The following SKOR1 variants were observed in gnomAD, a reference collection of about 807,000 sequenced individuals.
The protein encoded by SKOR1 is LBX1 corepressor 1.
A neutral mutation model predicts 72.4 loss-of-function variants in SKOR1; 38 were observed. The ratio of observed to expected loss-of-function variants is 0.52; its 90% CI spans 0.40 to 0.69. SKOR1 has a LOEUF of 0.69. Among genes scored for constraint, SKOR1 ranks in the 30% least tolerant of loss-of-function variants. The pLI, the probability that SKOR1 is intolerant of heterozygous loss-of-function variation, is 0.00. For synonymous variants in SKOR1, 642 were observed against 599.4 expected (o/e 1.07, Z -1.04); for missense variants, 1,320 against 1,343.2 (o/e 0.98, Z 0.27).
rs2090966521 is a variant in SKOR1 at position 67,827,140 on chromosome 15, G to T, written c.1312G>T (p.Ala438Ser). The change falls in exon 2 of 9, where the codon GCG (alanine) becomes TCG (serine). Residue 438 changes from alanine (A) to serine (S), a missense_variant. Ala to Ser is a moderately conservative substitution (Grantham distance 99). Around this residue, in one of 3 missense-constraint regions of SKOR1, gnomAD observed 1,099 missense variants for 1,025.5 expected, o/e 1.07. Coordinates refer to ENST00000380035, the MANE Select transcript of SKOR1 (RefSeq NM_001365915.1). ...GGGGAGTGGG[A>S]GGPGASHLPP... ...CGGCGGCGCGGGGACAGGCGGGGGT[G>T]CGGGGGGCCCGGGAGCCAGCCACTT... is the stretch of plus-strand genomic sequence containing the variant. 2 of 1,380,712 alleles carry T rather than the reference G, an allele frequency of 1.4e-6. No individual in the cohort carries two copies. The highest frequency in any genetic ancestry group is 3.7e-5 in the South Asian group (2 of 53,750). The allele number at this position is 1,380,712 out of a possible 1,614,324, so 85.5% of individuals were successfully genotyped here.
In SKOR1 at chr15:67,826,864, C is replaced by G. The variant is rs577660933; in HGVS notation, c.1036C>G (p.Arg346Gly). The G allele has an allele frequency of 6.5e-7, 1 of 1,531,646 alleles. No homozygotes were observed. Among genetic ancestry groups the G allele is most frequent in the Non-Finnish European group, 8.7e-7 (1 of 1,143,142 alleles). The allele number at this position is 1,531,646 out of a possible 1,614,324, so 94.9% of individuals were successfully genotyped here. ...PPGPPPPHPQ[R>G]GLGLATGASG... ...GGGGCCACCTCCACCCCACCCGCAG[C>G]GCGGACTTGGCCTGGCGACTGGAGC... Residue 346 changes from arginine to glycine, a missense_variant, in exon 2 of 9, where the codon CGC (arginine) becomes GGC (glycine). This residue lies in a region of SKOR1 where 1,099 missense variants were observed against 1,025.5 expected (regional missense o/e 1.07). Transcript: ENST00000380035.
chr15:67,827,544 A>G lies in SKOR1; in HGVS notation c.1716A>G (p.Pro572=), dbSNP rs890920754. The G allele has an allele frequency of 1.3e-4, 198 of 1,520,812 alleles. No individual in the cohort carries two copies. Among genetic ancestry groups the G allele is most frequent in the Admixed American group, 3.0e-4 (15 of 49,358 alleles). The allele number at this position is 1,520,812 out of a possible 1,614,324, so 94.2% of individuals were successfully genotyped here. A position where few individuals can be genotyped will look rare whatever the true frequency, so the allele number is the denominator to read the frequency against. Residue 572 remains proline, a synonymous_variant, in exon 2 of 9, where the codon CCA becomes CCG. Transcript: ENST00000380035. ...LDEDGTDEAL[P]PPLAPLPPPP... ...AAGACGGCACGGACGAGGCGCTGCC[A>G]CCGCCCCTGGCCCCGTTGCCCCCGC... is the stretch of plus-strand genomic sequence containing the variant.
chr15:67,830,450 G>A (rs2091000468), intron 4 of SKOR1, 152 bp downstream of exon 4: 1 of 726,078 alleles, frequency 1.4e-6, no homozygotes, highest in Non-Finnish European at 2.3e-6. Context: ...TATTTAACGC[G>A]AGCAGGGTGC....
Position 67,827,521 on chromosome 15 carries a change from G to C in SKOR1, c.1693G>C (p.Asp565His). The change falls in exon 2 of 9, where the codon GAC becomes CAC. Residue 565 changes from aspartate to histidine, a missense_variant. Asp to His is a moderately conservative substitution (Grantham distance 81). This residue lies in a region of SKOR1 where 1,099 missense variants were observed against 1,025.5 expected (regional missense o/e 1.07). Transcript: ENST00000380035. ...TCTGTCCCGCGGGCCCCTGGACGAA[G>C]ACGGCACGGACGAGGCGCTGCCACC... ...SALSRGPLDE[D>H]GTDEALPPPL... 3.3e-6 allele frequency: 5 copies of C among 1,522,096 alleles called. No individual in the cohort carries two copies. The highest frequency in any genetic ancestry group is 4.4e-6 in the Non-Finnish European group (5 of 1,141,954). 94.3% of individuals were successfully genotyped at this position (1,522,096 alleles called of 1,614,324 possible).
rs751667460 is a variant in SKOR1, at chr15:67,830,216, G to T, written c.2433G>T (p.Ser811=). The change falls in exon 4 of 9, where the codon TCG becomes TCT. Residue 811 remains serine (S), a synonymous_variant. Transcript: ENST00000380035. ...AGCCAGATAAGGAAGACAATCACTC[G>T]CCCGCCGATGATTTGGAAACGAGGA... is the stretch of plus-strand genomic sequence containing the variant. ...AHEPDKEDNH[S]PADDLETRKS... is the part of the protein sequence containing the mutation. 9 of 1,614,056 alleles carry T rather than the reference G, an allele frequency of 5.6e-6. No homozygotes were observed. The highest frequency in any genetic ancestry group is 3.3e-4 in the Middle Eastern group (2 of 6,060).
intron 5 of SKOR1, 54 bp downstream of exon 5, chr15:67,830,943 T>C (rs2141369195): frequency 1.0e-5 from 16 of 1,558,844 alleles, no homozygotes; most frequent in Non-Finnish European, 1.4e-5. Context: ...TGATGGGTCA[T>C]TCCTGTAGAG....
rs1387589186 is a variant in SKOR1, at chr15:67,833,123, C to G, written c.2738-69C>G. The G allele has an allele frequency of 1.3e-6, 2 of 1,558,080 alleles. No homozygotes were observed. The highest frequency in any genetic ancestry group is 1.7e-5 in the Admixed American group (1 of 58,964). On this transcript the variant is annotated intron_variant, in intron 7 of 8. Transcript: ENST00000380035. This position sits in a 1 kb window ranked among gnomAD's most constrained non-coding sequence, Gnocchi z 6.0. ...TTAGCCCTGGGGAGAGGAGGAAGCCCGGGCTGTGACCCCGGCCTTTCGGAG... is the reference window on the plus strand; with the variant it reads ...TTAGCCCTGGGGAGAGGAGGAAGCCGGGGCTGTGACCCCGGCCTTTCGGAG...
At position 67,833,859 on chromosome 15, in the gene SKOR1, C is replaced by A; in HGVS notation, c.*23C>A. On this transcript the variant is annotated 3_prime_UTR_variant, in exon 9 of 9. Coordinates refer to ENST00000380035, the MANE Select transcript of SKOR1 (RefSeq NM_001365915.1). This position sits in a 1 kb window ranked among gnomAD's most constrained non-coding sequence, Gnocchi z 6.0. ...TAGGGCCGGCCTGGCCGCACCCCTG[C>A]GCCCTCAAGCCATGCTGCTCCTTGT... 2 of 1,600,186 alleles carry A rather than the reference C, an allele frequency of 1.2e-6. No individual in the cohort carries two copies. Among genetic ancestry groups the A allele is most frequent in the Non-Finnish European group, 1.7e-6 (2 of 1,175,734 alleles).
rs1285801416 is a variant in SKOR1 at position 67,830,848 on chromosome 15, G to A, written c.2546G>A (p.Gly849Glu). The change falls in exon 5 of 9, where the codon GGA becomes GAA. Residue 849 changes from glycine to glutamate, a missense_variant. By Grantham distance (98) the Gly-to-Glu change is moderately conservative. Coordinates refer to ENST00000380035, the MANE Select transcript of SKOR1 (RefSeq NM_001365915.1). ...GEDGLTLDVT[G>E]THLVEKDIEN... ...GATGGGCTTACCTTGGATGTCACAG[G>A]AACTCATTTGGTGGAGAAAGATATC... The A allele has an allele frequency of 6.2e-7, 1 of 1,614,052 alleles. No homozygotes were observed. The highest frequency in any genetic ancestry group is 8.5e-7 in the Non-Finnish European group (1 of 1,180,030).
At chr15:67,830,413 A>T in intron 4 of SKOR1, 115 bp downstream of exon 4, 3 of 866,236 alleles carry the variant, frequency 3.5e-6, no homozygotes, top group Non-Finnish European at 5.5e-6. Flanking sequence ...AGCGGCTGCC[A>T]GTCTTCTTCC....
Position 67,826,902 on chromosome 15 carries a change from G to A in SKOR1, c.1074G>A (p.Ala358=). 1.3e-6 allele frequency: 2 copies of A among 1,549,620 alleles called. No individual in the cohort carries two copies. Among genetic ancestry groups the A allele is most frequent in the Non-Finnish European group, 1.7e-6 (2 of 1,154,036 alleles). ...LGLATGASGP[A]GPGGPGGGAG... The stretch of plus-strand genomic sequence containing the variant: ...TGGCGACTGGAGCTAGTGGCCCGGC[G>A]GGCCCAGGAGGGCCCGGTGGCGGCG... The change falls in exon 2 of 9, where the codon GCG becomes GCA. Residue 358 remains alanine (A), a synonymous_variant. Coordinates refer to ENST00000380035, the MANE Select transcript of SKOR1 (RefSeq NM_001365915.1).
chr15:67,829,589 T>C (rs923601916), intron 3 of SKOR1, among the ~76,000 whole-genome samples: 1 of 152,196 alleles, frequency 6.6e-6, no homozygotes, highest in African/African-American at 2.4e-5. Flanking sequence ...CAAGTGTGTT[T>C]GGCCGCGGGG....
Position 67,827,492 on chromosome 15 carries a change from G to A in SKOR1, c.1664G>A (p.Ser555Asn), listed in dbSNP as rs1334310510. Residue 555 changes from serine to asparagine, a missense_variant, in exon 2 of 9, where the codon AGC (serine) becomes AAC (asparagine). By Grantham distance (46) the Ser-to-Asn change is conservative (BLOSUM62 1). Around this residue, in one of 3 missense-constraint regions of SKOR1, gnomAD observed 1,099 missense variants for 1,025.5 expected, o/e 1.07. Transcript: ENST00000380035. ...SGLGAEERCP[S>N]ALSRGPLDED... Reference sequence around the variant, plus strand: ...CTCGGCGCGGAGGAGCGCTGCCCGAGCGCTCTGTCCCGCGGGCCCCTGGAC... The same window carrying A: ...CTCGGCGCGGAGGAGCGCTGCCCGAACGCTCTGTCCCGCGGGCCCCTGGAC... 2 of 1,522,142 alleles carry A rather than the reference G, an allele frequency of 1.3e-6. No individual in the cohort carries two copies. Among genetic ancestry groups the A allele is most frequent in the Non-Finnish European group, 1.8e-6 (2 of 1,142,118 alleles). The allele number at this position is 1,522,142 out of a possible 1,614,324, so 94.3% of individuals were successfully genotyped here.
chr15:67,830,783 G>A, intron 4 of SKOR1, 35 bp from the exon 5 acceptor site: 3 of 1,610,458 alleles, frequency 1.9e-6, no homozygotes, highest in Non-Finnish European at 2.5e-6. Flanking sequence ...GGCTTTCCTA[G>A]GACAGAACCC....
chr15:67,825,868 G>C lies in SKOR1; in HGVS notation c.108-68G>C. On this transcript the variant is annotated intron_variant, in intron 1 of 8. Coordinates refer to ENST00000380035, the MANE Select transcript of SKOR1 (RefSeq NM_001365915.1). The surrounding 1 kb of genome is among the most constrained non-coding windows in gnomAD (Gnocchi z 5.6). ...GCGCCCAACTCGGAGCGCCCTGCTG[G>C]GCGGGCCCGAGCCTCGGCGGCGGCG... 1.3e-6 allele frequency: 2 copies of C among 1,511,874 alleles called. No individual in the cohort carries two copies. Among genetic ancestry groups the C allele is most frequent in the Non-Finnish European group, 1.8e-6 (2 of 1,137,484 alleles). The allele number at this position is 1,511,874 out of a possible 1,614,324, so 93.7% of individuals were successfully genotyped here.
rs761512395 is a variant in SKOR1 at position 67,827,378 on chromosome 15, TGGCGGCGGCAGC to T, written c.1566_1577del (p.Ala525_Ala528del). 4.4e-5 allele frequency: 68 copies of T among 1,561,230 alleles called. No homozygotes were observed. The highest frequency in any genetic ancestry group is 8.0e-5 in the South Asian group (7 of 87,176). On this transcript the variant is annotated inframe_deletion, in exon 2 of 9. Coordinates refer to ENST00000380035, the MANE Select transcript of SKOR1 (RefSeq NM_001365915.1). ...CAAGCCAAGGCCGTGGCGGCAGCCGTGGCGGCGGCAGCGGCGGCGGCAGCGGCAGCTGCTGGC... is the reference window on the plus strand; with the variant it reads ...CAAGCCAAGGCCGTGGCGGCAGCCGTGGCGGCGGCAGCGGCAGCTGCTGGC...
In SKOR1 at chr15:67,827,077, G is replaced by A; in HGVS notation, c.1249G>A (p.Gly417Ser). Residue 417 changes from glycine to serine, a missense_variant, in exon 2 of 9, where the codon GGC (glycine) becomes AGC (serine). Transcript: ENST00000380035. Reference sequence around the variant, plus strand: ...AAAGGACGACCCGGTTTTAGGCGCGGGCGAGCCAAAGGGCGGTCCTGGCAC... The same window carrying A: ...AAAGGACGACCCGGTTTTAGGCGCGAGCGAGCCAAAGGGCGGTCCTGGCAC... ...PKKDDPVLGA[G>S]EPKGGPGTGS... The A allele has an allele frequency of 1.3e-6, 2 of 1,529,386 alleles. No individual in the cohort carries two copies. Among genetic ancestry groups the A allele is most frequent in the South Asian group, 1.2e-5 (1 of 83,478 alleles). 94.7% of individuals were successfully genotyped at this position (1,529,386 alleles called of 1,614,324 possible).
Position 67,833,831 on chromosome 15 carries a change from C to T in SKOR1, c.2893C>T (p.Pro965Ser). ...GNCSFKPPLLP is the reference protein window; with the variant it reads ...GNCSFKPPLLS ...CTGCTCCTTCAAGCCACCGCTGTTG[C>T]CCTAGGGCCGGCCTGGCCGCACCCC... Residue 965 changes from proline (P) to serine (S), a missense_variant, in exon 9 of 9, where the codon CCC becomes TCC. Physicochemically the swap from Pro to Ser is moderately conservative, Grantham distance 74 (BLOSUM62 -1). Around this residue, in one of 3 missense-constraint regions of SKOR1, gnomAD observed 1,099 missense variants for 1,025.5 expected, o/e 1.07. Transcript: ENST00000380035. The surrounding 1 kb of genome is among the most constrained non-coding windows in gnomAD (Gnocchi z 6.0). 1 of 1,609,882 alleles carries T rather than the reference C, an allele frequency of 6.2e-7. No individual in the cohort carries two copies. The highest frequency in any genetic ancestry group is 8.5e-7 in the Non-Finnish European group (1 of 1,179,966).
Position 67,830,899 on chromosome 15 carries a change from A to C in SKOR1, c.2587+10A>C, listed in dbSNP as rs2141369143. The C allele has an allele frequency of 6.2e-7, 1 of 1,613,884 alleles. No individual in the cohort carries two copies. Among genetic ancestry groups the C allele is most frequent in the Non-Finnish European group, 8.5e-7 (1 of 1,179,768 alleles). On this transcript the variant is annotated intron_variant, in intron 5 of 8. Transcript: ENST00000380035. ...GAGAACCTGGCCAGAGGTGAGGATAAATTTGTGAAAAAGGTGTACGCTGTG... is the reference window on the plus strand; with the variant it reads ...GAGAACCTGGCCAGAGGTGAGGATACATTTGTGAAAAAGGTGTACGCTGTG...
Sources: allele counts gnomAD v4.1 joint callset (sites outside exome capture counted in the v4.1 genomes callset), GRCh38; gene constraint gnomAD v4.1.1; regional missense constraint gnomAD v4.1.1; non-coding constraint Gnocchi (gnomAD v3.1); transcripts MANE v1.5; gene names NCBI Gene and HGNC (gene_info 2026-07-23, HGNC 2026-07-21).